Variants in PFKFB3 observed in about 807,000 individuals in gnomAD.
PFKFB3 encodes the protein 6-phosphofructo-2-kinase/fructose-2,6-biphosphatase 3, also known as 6-phosphofructo-2-kinase/fructose-2,6-bisphosphatase 3.
A neutral mutation model predicts 68.0 loss-of-function variants in PFKFB3; 33 were observed. That is an observed-to-expected ratio of 0.49 (90% CI 0.37 to 0.65). The LOEUF is 0.65. PFKFB3 is among the 30% of genes least tolerant of loss of function. PFKFB3 has a pLI of 0.00. For missense variants in PFKFB3, 586 were observed against 712.2 expected (o/e 0.82, Z 2.02); for synonymous variants, 315 against 288.2 (o/e 1.09, Z -0.94).
the PFKFB3 span, among the ~76,000 whole-genome samples, chr10:6,289,202 A>T: frequency 7.5e-6 from 1 of 133,842 alleles, no homozygotes; most frequent in South Asian, 2.5e-4. Context: ...GAAGCTCTTT[A>T]GTTTAATTAG....
rs11257430 is a variant in PFKFB3, at chr10:6,228,079, G to A, written c.1515+1714G>A. The A allele has an allele frequency of 2.7e-6, 3 of 1,114,172 alleles. No individual in the cohort carries two copies. The highest frequency in any genetic ancestry group is 4.1e-6 in the Non-Finnish European group (3 of 737,428). The allele number at this position is 1,114,172 out of a possible 1,614,324, so 69.0% of individuals were successfully genotyped here. On this transcript the variant is annotated intron_variant, in intron 14 of 14. Transcript: ENST00000379775. This position sits in a 1 kb window ranked among gnomAD's most constrained non-coding sequence, Gnocchi z 4.5. ...GGAGGACAGTCCTTCAGGGTGGCCAGGTTCTTAGGGACGTCTGAAGCTGCT... is the reference window on the plus strand; with the variant it reads ...GGAGGACAGTCCTTCAGGGTGGCCAAGTTCTTAGGGACGTCTGAAGCTGCT...
At chr10:6,232,571 G>A (rs1050755022) in intron 14 of PFKFB3, among the ~76,000 whole-genome samples, 3 of 152,174 alleles carry the variant, frequency 2.0e-5, no homozygotes, top group Non-Finnish European at 4.4e-5. Context: ...ATGGGGTCGT[G>A]AGCATGAGGC....
Position 6,233,058 on chromosome 10 carries a change from G to T in PFKFB3, c.*116G>T, listed in dbSNP as rs979029661. 7.3e-6 allele frequency: 6 copies of T among 816,588 alleles called. No homozygotes were observed. The highest frequency in any genetic ancestry group is 3.4e-5 in the African/African-American group (2 of 59,146). The allele number at this position is 816,588 out of a possible 1,614,324, so 50.6% of individuals were successfully genotyped here. On this transcript the variant is annotated 3_prime_UTR_variant, in exon 15 of 15. Coordinates refer to ENST00000379775, the MANE Select transcript of PFKFB3 (RefSeq NM_004566.4). The stretch of plus-strand genomic sequence containing the variant: ...CTTCCGGAGAGGGTGGGGTGGAGCA[G>T]CGGGGGAGCCTTGGCCGAAGAGAAC...
the PFKFB3 span, among the ~76,000 whole-genome samples, chr10:6,291,310 A>G: frequency 2.0e-5 from 3 of 152,202 alleles, no homozygotes; most frequent in Non-Finnish European, 4.4e-5. Context: ...TCATGCCTAT[A>G]ATCCCAGCAC....
intron 1 of PFKFB3, among the ~76,000 whole-genome samples, chr10:6,190,429 C>G (rs1216863549): frequency 6.6e-6 from 1 of 152,202 alleles, no homozygotes; most frequent in Non-Finnish European, 1.5e-5. Flanking sequence ...TTCATTGTAT[C>G]CACAGTTGAG....
intron 14 of PFKFB3, among the ~76,000 whole-genome samples, chr10:6,249,958 T>C (rs944446479): frequency 6.6e-6 from 1 of 152,190 alleles, no homozygotes; most frequent in Non-Finnish European, 1.5e-5. Context: ...TATATAAATA[T>C]TATTTGCCAA....
chr10:6,312,554 A>G, the PFKFB3 span, among the ~76,000 whole-genome samples: 6 of 152,242 alleles, frequency 3.9e-5, no homozygotes, highest in African/African-American at 9.6e-5. Flanking sequence ...TACTTTTGCC[A>G]TGTGCTGGCA....
In PFKFB3 at chr10:6,229,602, C is replaced by T. The variant is rs1219085243; in HGVS notation, c.1515+3237C>T. On this transcript the variant is annotated intron_variant, in intron 14 of 14. Coordinates refer to ENST00000379775, the MANE Select transcript of PFKFB3 (RefSeq NM_004566.4). The surrounding 1 kb of genome is among the most constrained non-coding windows in gnomAD (Gnocchi z 4.3). ...TTAACTTCCAGCTTCTTGGGGCGCA[C>T]CCTCCATCCTCAGGGCCAGTGTCTG... is the stretch of plus-strand genomic sequence containing the variant. Among the ~76,000 whole-genome samples the T allele has an allele frequency of 6.6e-6, 1 of 152,190 alleles. No individual in the cohort carries two copies. The highest frequency in any genetic ancestry group is 2.4e-5 in the African/African-American group (1 of 41,432).
chr10:6,177,484 C>CTTTCTTTCTTTCTTTCTTTCTTTCT (rs748168563), intron 1 of PFKFB3, among the ~76,000 whole-genome samples: 4 of 109,596 alleles, frequency 3.6e-5, no homozygotes, highest in East Asian at 5.8e-4. Flanking sequence ...TTCTTTCTTT[C>CTTTCTTTCTTTCTTTCTTTCTTTCT]TTTTTCTTTT....
rs553404146 is a variant in PFKFB3, at chr10:6,185,541, G to A, written c.17-28082G>A. 7.2e-5 allele frequency among the ~76,000 whole-genome samples: 11 copies of A among 152,172 alleles called. No individual in the cohort carries two copies. The South Asian group carries it at 2.1e-3, about 29-fold the overall frequency. On this transcript the variant is annotated intron_variant, in intron 1 of 14. Transcript: ENST00000379789. ...TGGTCTCGCCCCTCTTCCACCGGGT[G>A]CTGCTGGACCTGTGGTCCAGCCAGG...
chr10:6,178,575 T>G (rs1842604178), intron 1 of PFKFB3, among the ~76,000 whole-genome samples: 1 of 145,602 alleles, frequency 6.9e-6, no homozygotes, highest in Non-Finnish European at 1.5e-5. Flanking sequence ...GCTTCCGGGA[T>G]GGACAGAGTC....
At chr10:6,249,199 A>AAAAAG (rs1282708311) in intron 14 of PFKFB3, among the ~76,000 whole-genome samples, 11 of 146,976 alleles carry the variant, frequency 7.5e-5, no homozygotes, top group African/African-American at 2.5e-4. Flanking sequence ...AAAAAAAAAA[A>AAAAAG]AAAAGAAAAG....
chr10:6,267,725 C>T, the PFKFB3 span, among the ~76,000 whole-genome samples: 2 of 151,914 alleles, frequency 1.3e-5, no homozygotes, highest in Non-Finnish European at 2.9e-5. Flanking sequence ...GAGGCCGAGG[C>T]GGGCGGATCA....
the PFKFB3 span, among the ~76,000 whole-genome samples, chr10:6,286,070 C>T: frequency 5.4e-5 from 8 of 148,592 alleles, no homozygotes; most frequent in Non-Finnish European, 8.9e-5. Context: ...CTCCACCTCC[C>T]GGGTTCACGC....
downstream of PFKFB3, among the ~76,000 whole-genome samples, chr10:6,240,506 C>T (rs117586528): frequency 2.9e-3 from 439 of 152,126 alleles, 14 homozygotes; most frequent in East Asian, 0.068. Context: ...TCAGGTGATC[C>T]GCCCGCCTCA....
At chr10:6,275,626 T>G in the PFKFB3 span, among the ~76,000 whole-genome samples, 1 of 152,138 alleles carries the variant, frequency 6.6e-6, no homozygotes, top group Admixed American at 6.6e-5. The surrounding 1 kb of genome is among the most constrained non-coding windows in gnomAD (Gnocchi z 4.9). Flanking sequence ...ATCTTGTGGG[T>G]TTTTTTCTTT....
chr10:6,307,796 T>TTTG, the PFKFB3 span, among the ~76,000 whole-genome samples: 8 of 152,322 alleles, frequency 5.3e-5, no homozygotes, highest in East Asian at 1.5e-3. Flanking sequence ...AAAGTTCATG[T>TTTG]GTTGGAAACT....
chr10:6,172,130 C>T (rs941766396), intron 1 of PFKFB3, among the ~76,000 whole-genome samples: 1 of 152,240 alleles, frequency 6.6e-6, no homozygotes, highest in African/African-American at 2.4e-5. Context: ...AAAGCCCCTG[C>T]TGGCTCACTC....
At chr10:6,261,209 T>A in the PFKFB3 span, among the ~76,000 whole-genome samples, 1 of 152,254 alleles carries the variant, frequency 6.6e-6, no homozygotes, top group African/African-American at 2.4e-5. Flanking sequence ...CATTTTGAAG[T>A]CTTGCTCATT....
Sources: allele counts gnomAD v4.1 joint callset (sites outside exome capture counted in the v4.1 genomes callset), GRCh38; gene constraint gnomAD v4.1.1; non-coding constraint Gnocchi (gnomAD v3.1); transcripts MANE v1.5; gene names NCBI Gene and HGNC (gene_info 2026-07-23, HGNC 2026-07-21).